The following CCDC66 variants were observed in gnomAD, a reference collection of about 807,000 sequenced individuals.
CCDC66 encodes the protein coiled-coil domain containing 66.
Under a neutral mutation model 128.3 loss-of-function variants are expected in CCDC66, and 133 were observed. That is an observed-to-expected ratio of 1.04 (90% CI 0.90 to 1.20). CCDC66 has a LOEUF of 1.20. CCDC66 is among the 50% of genes most tolerant of loss of function. The pLI, the probability that CCDC66 is intolerant of heterozygous loss-of-function variation, is 0.00. For synonymous variants in CCDC66, 387 were observed against 357.0 expected (o/e 1.08, Z -0.95); for missense variants, 1,126 against 1,075.5 (o/e 1.05, Z -0.66).
chr3:56,599,478 T>C (rs2072758150), intron 10 of CCDC66, among the ~76,000 whole-genome samples: 1 of 152,130 alleles, frequency 6.6e-6, no homozygotes, highest in Non-Finnish European at 1.5e-5. Context: ...TTTAGGTACA[T>C]CATTAGATTG....
At position 56,613,674 on chromosome 3, in the gene CCDC66, A is replaced by G; in HGVS notation, c.1490A>G (p.Glu497Gly). The part of the protein sequence containing the change: ...EQRKKEEQEE[E>G]LRLAQEREEM... ...AGAAAGAAGGAAGAACAAGAAGAGG[A>G]GCTTCGCTTAGCACAGGAACGTGAA... The change falls in exon 11 of 18, where the codon GAG becomes GGG. Residue 497 changes from glutamate (E) to glycine (G), a missense_variant. Transcript: ENST00000394672. 1 of 1,614,146 alleles carries G rather than the reference A, an allele frequency of 6.2e-7. No homozygotes were observed. Among genetic ancestry groups the G allele is most frequent in the Non-Finnish European group, 8.5e-7 (1 of 1,179,980 alleles).
rs756037011 is a variant in CCDC66 at position 56,619,850 on chromosome 3, A to G, written c.2709A>G (p.Lys903=). The G allele has an allele frequency of 1.9e-6, 3 of 1,614,142 alleles. No homozygotes were observed. Among genetic ancestry groups the G allele is most frequent in the Non-Finnish European group, 1.7e-6 (2 of 1,180,006 alleles). The part of the protein sequence containing the change: ...RDPLLNPNMV[K]NRDRQQAILK... ...CACTTCTTAATCCTAACATGGTGAA[A>G]AATAGGGATCGACAGCAAGCAATCC... The change falls in exon 17 of 18, where the codon AAA becomes AAG. Residue 903 remains lysine (K), a synonymous_variant. Transcript: ENST00000394672.
chr3:56,618,067 C>T, intron 14 of CCDC66, 105 bp from the exon 15 acceptor site: 1 of 918,760 alleles, frequency 1.1e-6, no homozygotes, highest in Non-Finnish European at 1.8e-6. Flanking sequence ...ACCTGTTATT[C>T]AAATATTACC....
At chr3:56,620,733 C>T (rs1559796395) in intron 17 of CCDC66, 1 of 152,084 alleles carries the variant, frequency 6.6e-6, no homozygotes, top group Non-Finnish European at 1.5e-5. Context: ...TTAGTGGAGA[C>T]AAAAATTGTG....
chr3:56,618,032 A>AT (rs1578061591), intron 14 of CCDC66, 140 bp from the exon 15 acceptor site: 1 of 704,582 alleles, frequency 1.4e-6, no homozygotes, highest in South Asian at 1.7e-5. Flanking sequence ...GGAAAAAACT[A>AT]TATCTATTCC....
chr3:56,592,726 C>G (rs1337744487), intron 7 of CCDC66, among the ~76,000 whole-genome samples: 1 of 151,520 alleles, frequency 6.6e-6, no homozygotes, highest in African/African-American at 2.4e-5. Context: ...TTAGAAAATT[C>G]CCTTCCCTTA....
chr3:56,594,439 C>T (rs926301594), intron 10 of CCDC66, among the ~76,000 whole-genome samples: 2 of 152,034 alleles, frequency 1.3e-5, no homozygotes, highest in African/African-American at 4.8e-5. Flanking sequence ...GTAATCCCAG[C>T]ACTTTGGGAG....
intron 7 of CCDC66, among the ~76,000 whole-genome samples, chr3:56,578,518 C>G (rs924542566): frequency 1.3e-5 from 2 of 151,776 alleles, no homozygotes; most frequent in Non-Finnish European, 2.9e-5. Flanking sequence ...CAGTTTTCGT[C>G]CATTCAGTAC....
intron 6 of CCDC66, among the ~76,000 whole-genome samples, chr3:56,567,406 A>G (rs940532469): frequency 6.6e-6 from 1 of 152,212 alleles, no homozygotes. Context: ...TAAATAAAAA[A>G]GAATATGTAT....
At position 56,563,902 on chromosome 3, in the gene CCDC66, C is replaced by G. The variant is rs776997685; in HGVS notation, c.321C>G (p.Ile107Met). The G allele has an allele frequency of 4.3e-6, 7 of 1,612,918 alleles. No individual in the cohort carries two copies. Among genetic ancestry groups the G allele is most frequent in the Non-Finnish European group, 5.9e-6 (7 of 1,179,174 alleles). ...GTATAGATAAAGACTGTCTTCATAT[C>G]CAGAAAGAGATTTCACCTGCAACCC... ...KQCIDKDCLH[I>M]QKEISPATPN... Residue 107 changes from isoleucine (I) to methionine (M), a missense_variant, in exon 4 of 18, where the codon ATC becomes ATG. Coordinates refer to ENST00000394672, the MANE Select transcript of CCDC66 (RefSeq NM_001141947.3).
chr3:56,585,889 TA>T (rs2069609445), intron 7 of CCDC66, among the ~76,000 whole-genome samples: 2 of 152,060 alleles, frequency 1.3e-5, no homozygotes, highest in South Asian at 4.1e-4. Context: ...TAAAACAATT[TA>T]CAAGAATTTT....
At chr3:56,585,683 G>A (rs1399226515) in intron 7 of CCDC66, among the ~76,000 whole-genome samples, 2 of 151,748 alleles carry the variant, frequency 1.3e-5, no homozygotes, top group African/African-American at 4.8e-5. Flanking sequence ...TTTCTTCTCT[G>A]TATATAGTAT....
At chr3:56,560,832 A>G in intron 3 of CCDC66, 1 of 449,000 alleles carries the variant, frequency 2.2e-6, no homozygotes, top group Non-Finnish European at 4.4e-6. Flanking sequence ...CTCTTCCATA[A>G]CTTACTACAG....
intron 15 of CCDC66, 66 bp downstream of exon 15, chr3:56,618,278 C>A: frequency 7.4e-7 from 1 of 1,353,038 alleles, no homozygotes; most frequent in South Asian, 1.2e-5. Flanking sequence ...AAAAGGGATT[C>A]AAGATCTGGA....
chr3:56,575,973 A>G (rs1275712996), intron 7 of CCDC66, among the ~76,000 whole-genome samples: 22 of 151,586 alleles, frequency 1.5e-4, no homozygotes, highest in Admixed American at 1.4e-3. Context: ...GACCCTTCCA[A>G]CTTTCTTCTT....
chr3:56,584,618 G>A (rs1365422767), intron 7 of CCDC66, among the ~76,000 whole-genome samples: 11 of 151,260 alleles, frequency 7.3e-5, no homozygotes, highest in Non-Finnish European at 1.6e-4. Flanking sequence ...CTGGGCGGCC[G>A]GGCAGAGGGG....
intron 10 of CCDC66, among the ~76,000 whole-genome samples, chr3:56,601,905 T>A (rs552978117): frequency 9.2e-5 from 14 of 152,146 alleles, no homozygotes; most frequent in Non-Finnish European, 1.8e-4. Flanking sequence ...TACAATCATG[T>A]CATCTGCAAA....
At chr3:56,568,728 A>G (rs1163698165) in intron 6 of CCDC66, among the ~76,000 whole-genome samples, 1 of 152,220 alleles carries the variant, frequency 6.6e-6, no homozygotes, top group Non-Finnish European at 1.5e-5. Context: ...TCTAATGAAG[A>G]AGAATCATTG....
chr3:56,593,468 C>T (rs773463157), intron 8 of CCDC66, 23 bp from the exon 9 acceptor site: 11 of 1,603,622 alleles, frequency 6.9e-6, no homozygotes, highest in Non-Finnish European at 9.4e-6. Context: ...AAATTCTTAG[C>T]AATTCTTATT....
Sources: gnomAD v4.1 joint callset for allele counts (sites outside exome capture counted in the v4.1 genomes callset) on GRCh38, gnomAD v4.1.1 for gene constraint, MANE v1.5 for transcripts, NCBI Gene and HGNC (gene_info 2026-07-23, HGNC 2026-07-21) for gene names.